The following XIRP1 variants were observed in gnomAD, a reference collection of about 807,000 sequenced individuals.
XIRP1 encodes xin actin binding repeat containing 1.
For synonymous variants in XIRP1, 984 were observed against 947.0 expected (o/e 1.04, Z -0.72); for missense variants, 2,378 against 2,345.4 (o/e 1.01, Z -0.29).
chr3:39,183,482 A>C lies in XIRP1; in HGVS notation c.*432T>G, dbSNP rs776285181. ...TGTCCAGTTGGCTCTGTTCCTCTCC[A>C]GGGATTAAGGAGCAGATGGCTGGGA... On this transcript the variant is annotated 3_prime_UTR_variant, in exon 2 of 2. Transcript: ENST00000340369. The C allele has an allele frequency of 4.2e-5, 7 of 164,718 alleles. No homozygotes were observed. Among genetic ancestry groups the C allele is most frequent in the Admixed American group, 1.8e-4 (3 of 17,096 alleles). 10.2% of individuals were successfully genotyped at this position (164,718 alleles called of 1,614,324 possible). A position where few individuals can be genotyped will look rare whatever the true frequency, so the allele number is the denominator to read the frequency against.
rs200268211 is a variant in XIRP1, at chr3:39,187,393, G to T, written c.2053C>A (p.Arg685Ser). Reference protein sequence around the residue: ...CGRRPVRYCSRVEIPSGQVSR... With the variant: ...CGRRPVRYCSSVEIPSGQVSR... ...ACCTGCCCTGAAGGGATCTCCACGC[G>T]GCTGCAGTATCTCACAGGCCGTCTT... Residue 685 changes from arginine (R) to serine (S), a missense_variant, in exon 2 of 2, where the codon CGC becomes AGC. Coordinates refer to ENST00000340369, the MANE Select transcript of XIRP1 (RefSeq NM_194293.4). The T allele has an allele frequency of 5.0e-6, 8 of 1,614,176 alleles. No individual in the cohort carries two copies. Among genetic ancestry groups the T allele is most frequent in the Non-Finnish European group, 5.9e-6 (7 of 1,180,036 alleles).
chr3:39,186,379 T>G lies in XIRP1; in HGVS notation c.3067A>C (p.Ser1023Arg), dbSNP rs141779059. 6 of 1,614,090 alleles carry G rather than the reference T, an allele frequency of 3.7e-6. No homozygotes were observed. The African/African-American group carries it at 8.0e-5, about 22-fold the overall frequency. Residue 1023 changes from serine (S) to arginine (R), a missense_variant, in exon 2 of 2, where the codon AGT becomes CGT. Physicochemically the swap from Ser to Arg is moderately radical, Grantham distance 110. Transcript: ENST00000340369. Reference protein sequence around the residue: ...QLQNTEKQEDSHSGQKGMAVL... With the variant: ...QLQNTEKQEDRHSGQKGMAVL... ...GCCATCCCTTTCTGTCCAGAGTGAC[T>G]GTCTTCCTGCTTTTCTGTGTTTTGC...
rs777447329 is a variant in XIRP1, at chr3:39,185,139, G to C, written c.4307C>G (p.Thr1436Ser). The change falls in exon 2 of 2, where the codon ACC becomes AGC. Residue 1436 changes from threonine (T) to serine (S), a missense_variant. Physicochemically the swap from Thr to Ser is moderately conservative, Grantham distance 58 (BLOSUM62 1). Transcript: ENST00000340369. ...GGGGCCGGGGCCCCACTGTGGTGAG[G>C]TGGGATCATGGTTGAGGGCATTGAG... ...PKLNALNHDP[T>S]SPQWGPGPSG... 3.1e-6 allele frequency: 5 copies of C among 1,588,342 alleles called. No homozygotes were observed. Among genetic ancestry groups the C allele is most frequent in the Non-Finnish European group, 4.3e-6 (5 of 1,167,422 alleles).
chr3:39,188,567 C>T lies in XIRP1; in HGVS notation c.879G>A (p.Gly293=), dbSNP rs894419722. The T allele has an allele frequency of 6.2e-7, 1 of 1,613,030 alleles. No individual in the cohort carries two copies. Among genetic ancestry groups the T allele is most frequent in the East Asian group, 2.2e-5 (1 of 44,842 alleles). ...QDPSQVRVIR[G]ISLEEGARPD... ...GCCGGGCCCCCTCCTCCAGGGAAATCCCCCGGATCACCCGCACCTGGCTGG... is the reference window on the plus strand; with the variant it reads ...GCCGGGCCCCCTCCTCCAGGGAAATTCCCCGGATCACCCGCACCTGGCTGG... Residue 293 remains glycine (G), a synonymous_variant, in exon 2 of 2, where the codon GGG becomes GGA. Coordinates refer to ENST00000340369, the MANE Select transcript of XIRP1 (RefSeq NM_194293.4).
In XIRP1 at chr3:39,184,066, C is replaced by T. The variant is rs1476660816; in HGVS notation, c.5380G>A (p.Glu1794Lys). Reference protein sequence around the residue: ...MSSTTVTEQAEPPRNPGSHLG... With the variant: ...MSSTTVTEQAKPPRNPGSHLG... ...TGGGAGCCTGGGTTCCTGGGTGGCTCTGCCTGCTCGGTGACTGTGGTGGAA... is the reference window on the plus strand; with the variant it reads ...TGGGAGCCTGGGTTCCTGGGTGGCTTTGCCTGCTCGGTGACTGTGGTGGAA... The change falls in exon 2 of 2, where the codon GAG (glutamate) becomes AAG (lysine). Residue 1794 changes from glutamate to lysine, a missense_variant. Transcript: ENST00000340369. 2 of 1,610,020 alleles carry T rather than the reference C, an allele frequency of 1.2e-6. No individual in the cohort carries two copies. Among genetic ancestry groups the T allele is most frequent in the Non-Finnish European group, 1.7e-6 (2 of 1,177,344 alleles).
rs1173814742 is a variant in XIRP1, at chr3:39,188,457, T to G, written c.989A>C (p.Gln330Pro). 6.2e-7 allele frequency: 1 copy of G among 1,602,288 alleles called. No individual in the cohort carries two copies. The change falls in exon 2 of 2, where the codon CAG becomes CCG. Residue 330 changes from glutamine to proline, a missense_variant. Physicochemically the swap from Gln to Pro is moderately conservative, Grantham distance 76. Coordinates refer to ENST00000340369, the MANE Select transcript of XIRP1 (RefSeq NM_194293.4). ...REILVDEKDF[Q>P]PSPDLIPPGP... is the part of the protein sequence containing the mutation. ...AGGTGGGATAAGGTCTGGGGATGGC[T>G]GGAAGTCCTTCTCATCTACCAAGAT...
rs749205423 is a variant in XIRP1, at chr3:39,184,474, G to A, written c.4972C>T (p.Arg1658Trp). 3.5e-5 allele frequency: 56 copies of A among 1,614,020 alleles called. No homozygotes were observed. The highest frequency in any genetic ancestry group is 4.2e-5 in the Non-Finnish European group (50 of 1,180,050). Residue 1658 changes from arginine (R) to tryptophan (W), a missense_variant, in exon 2 of 2, where the codon CGG (arginine) becomes TGG (tryptophan). Transcript: ENST00000340369. ...ETSREYLCPP[R>W]VLPSSRDSPS... is the part of the protein sequence containing the mutation. ...GAATCTCGGCTGGAAGGTAAAACCC[G>A]AGGAGGGCACAAATACTCTCTTGAT...
In XIRP1 at chr3:39,184,093, A is replaced by G; in HGVS notation, c.5353T>C (p.Ser1785Pro). 1.2e-6 allele frequency: 2 copies of G among 1,605,632 alleles called. No individual in the cohort carries two copies. The highest frequency in any genetic ancestry group is 1.7e-6 in the Non-Finnish European group (2 of 1,173,896). The part of the protein sequence containing the change: ...VDQFGNTVLM[S>P]STTVTEQAEP... The stretch of plus-strand genomic sequence containing the variant: ...GCCTGCTCGGTGACTGTGGTGGAAG[A>G]CATGAGGACTGTGTTCCCAAACTGG... The change falls in exon 2 of 2, where the codon TCT becomes CCT. Residue 1785 changes from serine (S) to proline (P), a missense_variant. Transcript: ENST00000340369.
At position 39,188,286 on chromosome 3, in the gene XIRP1, GT is replaced by G. The variant is rs1337563937; in HGVS notation, c.1159del (p.Thr387GlnfsTer48). The G allele has an allele frequency of 3.7e-6, 6 of 1,614,206 alleles. No homozygotes were observed. Among genetic ancestry groups the G allele is most frequent in the Non-Finnish European group, 5.1e-6 (6 of 1,180,036 alleles). ...DVRSTLWLFETKPLDAFRDKV... is the reference protein window; with the variant it reads ...DVRSTLWLFEXKPLDAFRDKV... ...GTCTCTGAAAGCATCCAGGGGCTTT[GT>G]TTCAAATAGCCACAGGGTGGAGCGG... On this transcript the variant is annotated frameshift_variant, in exon 2 of 2. Transcript: ENST00000340369. LOFTEE classifies it low-confidence loss of function (END_TRUNC).
At position 39,191,822 on chromosome 3, in the gene XIRP1, C is replaced by T. The variant is rs544132975; in HGVS notation, c.-81+624G>A. On this transcript the variant is annotated intron_variant, in intron 1 of 1. Coordinates refer to ENST00000340369, the MANE Select transcript of XIRP1 (RefSeq NM_194293.4). The stretch of plus-strand genomic sequence containing the variant: ...GCAAATTCAGATCTGGTCTCCCTCC[C>T]GTGAGCCCCCCAAATCTGCCCTGGG... Among the ~76,000 whole-genome samples, 27 of 152,346 alleles carry T rather than the reference C, an allele frequency of 1.8e-4. 1 individual carries two copies. The South Asian group carries it at 5.0e-3, about 28-fold the overall frequency.
chr3:39,190,894 G>A (rs1449151473), intron 1 of XIRP1, among the ~76,000 whole-genome samples: 1 of 152,178 alleles, frequency 6.6e-6, no homozygotes, highest in African/African-American at 2.4e-5. Flanking sequence ...CCAGCCAGTG[G>A]GGACCCTCAG....
At chr3:39,192,158 C>G (rs568769024) in intron 1 of XIRP1, among the ~76,000 whole-genome samples, 1 of 152,360 alleles carries the variant, frequency 6.6e-6, no homozygotes, top group East Asian at 1.9e-4. Flanking sequence ...TTTTAAAAAT[C>G]ACAACTCCAG....
rs761968739 is a variant in XIRP1 at position 39,189,023 on chromosome 3, C to A, written c.423G>T (p.Gln141His). 6.2e-7 allele frequency: 1 copy of A among 1,614,042 alleles called. No homozygotes were observed. Among genetic ancestry groups the A allele is most frequent in the South Asian group, 1.1e-5 (1 of 91,084 alleles). The change falls in exon 2 of 2, where the codon CAG (glutamine) becomes CAT (histidine). Residue 141 changes from glutamine (Q) to histidine (H), a missense_variant. By Grantham distance (24) the Gln-to-His change is conservative (BLOSUM62 0). Transcript: ENST00000340369. ...EEGSFANSTD[Q>H]EPTRPQPGGG... is the part of the protein sequence containing the mutation. Reference sequence around the variant, plus strand: ...CACCTGGCTGGGGCCTGGTTGGCTCCTGGTCTGTGCTGTTGGCAAAGGAGC... The same window carrying A: ...CACCTGGCTGGGGCCTGGTTGGCTCATGGTCTGTGCTGTTGGCAAAGGAGC...
At chr3:39,189,787 G>T (rs565666956) in intron 1 of XIRP1, among the ~76,000 whole-genome samples, 1 of 152,128 alleles carries the variant, frequency 6.6e-6, no homozygotes, top group African/African-American at 2.4e-5. Context: ...CATAAGGGAC[G>T]CATAAACCTC....
In XIRP1 at chr3:39,189,544, A is replaced by C. The variant is rs1180200054; in HGVS notation, c.-80-19T>G. The C allele has an allele frequency of 6.7e-7, 1 of 1,499,760 alleles. No individual in the cohort carries two copies. Among genetic ancestry groups the C allele is most frequent in the Non-Finnish European group, 8.9e-7 (1 of 1,122,218 alleles). 92.9% of individuals were successfully genotyped at this position (1,499,760 alleles called of 1,614,324 possible). ...CTGGATGCTGGGAGAAATGGTAGTA[A>C]ACAGGGCTCAGAGTCAGAGTAGCTC... On this transcript the variant is annotated intron_variant, in intron 1 of 1. Transcript: ENST00000340369.
chr3:39,185,265 T>A lies in XIRP1; in HGVS notation c.4181A>T (p.His1394Leu). Residue 1394 changes from histidine to leucine, a missense_variant, in exon 2 of 2, where the codon CAT (histidine) becomes CTT (leucine). By Grantham distance (99) the His-to-Leu change is moderately conservative. Coordinates refer to ENST00000340369, the MANE Select transcript of XIRP1 (RefSeq NM_194293.4). Reference protein sequence around the residue: ...HIPLARCPSGHSQPSLQHGLS... With the variant: ...HIPLARCPSGLSQPSLQHGLS... ...GCCATGTTGTAAGCTGGGCTGGCTA[T>A]GTCCACTGGGACATCTGGCCAGAGG... 1 of 1,614,216 alleles carries A rather than the reference T, an allele frequency of 6.2e-7. No homozygotes were observed. Among genetic ancestry groups the A allele is most frequent in the Non-Finnish European group, 8.5e-7 (1 of 1,180,034 alleles).
Position 39,184,249 on chromosome 3 carries a change from G to C in XIRP1, c.5197C>G (p.Pro1733Ala). Reference sequence around the variant, plus strand: ...AGGGGACTGGCTGAGGGAGGGGCAGGTTCAGGTTGCACAGAGCACTGGGTG... The same window carrying C: ...AGGGGACTGGCTGAGGGAGGGGCAGCTTCAGGTTGCACAGAGCACTGGGTG... ...DITQCSVQPEPAPPSASPLPR... is the reference protein window; with the variant it reads ...DITQCSVQPEAAPPSASPLPR... Residue 1733 changes from proline (P) to alanine (A), a missense_variant, in exon 2 of 2, where the codon CCT (proline) becomes GCT (alanine). Physicochemically the swap from Pro to Ala is conservative, Grantham distance 27 (BLOSUM62 -1). Coordinates refer to ENST00000340369, the MANE Select transcript of XIRP1 (RefSeq NM_194293.4). The C allele has an allele frequency of 6.2e-7, 1 of 1,614,190 alleles. No homozygotes were observed. The highest frequency in any genetic ancestry group is 1.3e-5 in the African/African-American group (1 of 75,054).
rs552385097 is a variant in XIRP1, at chr3:39,187,306, G to A, written c.2140C>T (p.Arg714Trp). ...GCGGGGATGGACCCAGCGATTACCC[G>A]GGGCTCCTGTTCTTCCTTCTTGCCT... ...EAGKKEEQEP[R>W]VIAGSIPAGS... The change falls in exon 2 of 2, where the codon CGG becomes TGG. Residue 714 changes from arginine (R) to tryptophan (W), a missense_variant. Arg to Trp is a moderately radical substitution (Grantham distance 101). Coordinates refer to ENST00000340369, the MANE Select transcript of XIRP1 (RefSeq NM_194293.4). The A allele has an allele frequency of 2.3e-5, 37 of 1,591,142 alleles. No homozygotes were observed. Among genetic ancestry groups the A allele is most frequent in the Middle Eastern group, 1.7e-4 (1 of 5,940 alleles).
Position 39,184,857 on chromosome 3 carries a change from G to A in XIRP1, c.4589C>T (p.Thr1530Ile), listed in dbSNP as rs762879163. The change falls in exon 2 of 2, where the codon ACA (threonine) becomes ATA (isoleucine). Residue 1530 changes from threonine to isoleucine, a missense_variant. Physicochemically the swap from Thr to Ile is moderately conservative, Grantham distance 89 (BLOSUM62 -1). Coordinates refer to ENST00000340369, the MANE Select transcript of XIRP1 (RefSeq NM_194293.4). ...TTGAGCAACTTCCGTGCTGACCCGT[G>A]TCAGCTCCCCAAAGGCCTGCTCCAC... ...ASVEQAFGEL[T>I]RVSTEVAQLK... 1.2e-6 allele frequency: 2 copies of A among 1,609,724 alleles called. No individual in the cohort carries two copies. Among genetic ancestry groups the A allele is most frequent in the African/African-American group, 1.3e-5 (1 of 74,964 alleles).
Sources: gnomAD v4.1 joint callset for allele counts (sites outside exome capture counted in the v4.1 genomes callset) on GRCh38, gnomAD v4.1.1 for gene constraint, MANE v1.5 for transcripts, NCBI Gene and HGNC (gene_info 2026-07-23, HGNC 2026-07-21) for gene names.